GTF2F2: variants seen among roughly 807,000 people sequenced by gnomAD.
GTF2F2 encodes ATP-dependent helicase GTF2F2.
In GTF2F2, 23 loss-of-function variants were observed where a neutral mutation model predicts 42.2. That is an observed-to-expected ratio of 0.55 (90% confidence interval 0.39 to 0.77). The LOEUF is 0.77. Among genes scored for constraint, GTF2F2 ranks in the 30% least tolerant of loss-of-function variants. GTF2F2 has a pLI of 0.00. For synonymous variants in GTF2F2, 105 were observed against 100.8 expected (o/e 1.04, Z -0.25); for missense variants, 261 against 287.2 (o/e 0.91, Z 0.66).
chr13:45,236,865 TTA>T (rs1053069345), intron 5 of GTF2F2, among the ~76,000 whole-genome samples: 6 of 152,202 alleles, frequency 3.9e-5, no homozygotes, highest in African/African-American at 1.4e-4. Flanking sequence ...GTGAAGAAAA[TTA>T]TATAACCTTC....
intron 6 of GTF2F2, among the ~76,000 whole-genome samples, chr13:45,266,549 T>C (rs1045319923): frequency 6.6e-6 from 1 of 152,218 alleles, no homozygotes; most frequent in Non-Finnish European, 1.5e-5. Context: ...CTGCATCTGT[T>C]AGATAAACTG....
chr13:45,133,211 A>G (rs1263450425), intron 1 of GTF2F2, among the ~76,000 whole-genome samples: 5 of 152,178 alleles, frequency 3.3e-5, no homozygotes, highest in African/African-American at 9.7e-5. Context: ...AAATGAGGAC[A>G]TAGCAGATGG....
intron 1 of GTF2F2, 77 bp downstream of exon 1, chr13:45,120,798 G>C (rs1035890429): frequency 1.9e-6 from 2 of 1,065,928 alleles, no homozygotes; most frequent in Admixed American, 2.1e-5. Flanking sequence ...ATCCCGCTCC[G>C]TGCGCCTCTT....
At chr13:45,135,310 A>G (rs1869561786) in intron 1 of GTF2F2, among the ~76,000 whole-genome samples, 1 of 151,808 alleles carries the variant, frequency 6.6e-6, no homozygotes, top group African/African-American at 2.4e-5. Context: ...GAGACGGAGT[A>G]TTGCTCTGGC....
rs75246847 is a variant in GTF2F2, at chr13:45,250,366, T to C, written c.387-2505T>C. On this transcript the variant is annotated intron_variant, in intron 5 of 7. Transcript: ENST00000340473. ...CAGCCTGCCTTATTTCTTATAAGCA[T>C]GAGCAGCTCTGCTCCAGTTTACTCT... 1.7e-3 allele frequency among the ~76,000 whole-genome samples: 265 copies of C among 152,318 alleles called. 1 individual carries two copies. Among genetic ancestry groups the C allele is most frequent in the African/African-American group, 6.1e-3 (252 of 41,566 alleles).
At chr13:45,262,016 A>G (rs937869598) in intron 6 of GTF2F2, among the ~76,000 whole-genome samples, 1 of 152,144 alleles carries the variant, frequency 6.6e-6, no homozygotes, top group Admixed American at 6.5e-5. Context: ...CACTGGAACT[A>G]CTTATCTGAT....
At chr13:45,138,061 G>C (rs1566111136) in intron 2 of GTF2F2, among the ~76,000 whole-genome samples, 1 of 152,214 alleles carries the variant, frequency 6.6e-6, no homozygotes, top group East Asian at 1.9e-4. Context: ...TGACATAGTT[G>C]ATCACTTTTT....
At chr13:45,183,055 A>G (rs1162072065) in intron 4 of GTF2F2, among the ~76,000 whole-genome samples, 3 of 152,072 alleles carry the variant, frequency 2.0e-5, no homozygotes, top group African/African-American at 7.3e-5. Flanking sequence ...TTCAAGGTTC[A>G]TGTCCTTTGT....
chr13:45,230,203 A>C (rs1281268991), intron 5 of GTF2F2, among the ~76,000 whole-genome samples: 1 of 152,016 alleles, frequency 6.6e-6, no homozygotes, highest in African/African-American at 2.4e-5. Context: ...GCAACAGAGC[A>C]AGACTCCATC....
At chr13:45,153,103 G>A (rs1042914820) in intron 4 of GTF2F2, among the ~76,000 whole-genome samples, 6 of 150,888 alleles carry the variant, frequency 4.0e-5, no homozygotes, top group African/African-American at 7.3e-5. Flanking sequence ...TCCGCCTACC[G>A]GGTTCACGCC....
chr13:45,173,105 T>C (rs1196675683), intron 4 of GTF2F2, among the ~76,000 whole-genome samples: 1 of 152,118 alleles, frequency 6.6e-6, no homozygotes, highest in Non-Finnish European at 1.5e-5. Flanking sequence ...AAATATGCAA[T>C]GTAGAGACAC....
chr13:45,134,828 C>G (rs1460172545), intron 1 of GTF2F2, among the ~76,000 whole-genome samples: 1 of 152,126 alleles, frequency 6.6e-6, no homozygotes, highest in African/African-American at 2.4e-5. Flanking sequence ...TATTTCAACC[C>G]TCTGAACCTC....
chr13:45,282,129 C>T (rs1877293795), intron 7 of GTF2F2, among the ~76,000 whole-genome samples: 1 of 151,870 alleles, frequency 6.6e-6, no homozygotes, highest in South Asian at 2.1e-4. Flanking sequence ...ACCTGGGAGG[C>T]GGAGGTTGCA....
At chr13:45,131,210 GAA>G (rs770146191) in intron 1 of GTF2F2, among the ~76,000 whole-genome samples, 2 of 133,570 alleles carry the variant, frequency 1.5e-5, no homozygotes, top group African/African-American at 2.7e-5. Flanking sequence ...CTCAGTCTCA[GAA>G]AAAAAAAAAA....
In GTF2F2 at chr13:45,211,088, G is replaced by T. The variant is rs1020153343; in HGVS notation, c.386+3583G>T. On this transcript the variant is annotated intron_variant, in intron 5 of 7. Coordinates refer to ENST00000340473, the MANE Select transcript of GTF2F2 (RefSeq NM_004128.3). ...CTTCTGGTTGGTGGTGGCTCTTGTG[G>T]CCCAGCTGTGAATATCCCAGATTGG... 4.6e-5 allele frequency among the ~76,000 whole-genome samples: 7 copies of T among 152,212 alleles called. No individual in the cohort carries two copies. The East Asian group carries it at 1.3e-3, about 29-fold the overall frequency.
At chr13:45,235,616 G>A (rs895821914) in intron 5 of GTF2F2, among the ~76,000 whole-genome samples, 12 of 151,084 alleles carry the variant, frequency 7.9e-5, no homozygotes, top group Non-Finnish European at 1.3e-4. Context: ...CTGAGATAGA[G>A]TCCCGCTGTG....
intron 5 of GTF2F2, among the ~76,000 whole-genome samples, chr13:45,211,131 C>T (rs1873613555): frequency 6.6e-6 from 1 of 152,076 alleles, no homozygotes; most frequent in African/African-American, 2.4e-5. Flanking sequence ...CTGTCCTGTG[C>T]ATTGCAAGGA....
chr13:45,191,224 A>AAAAAAAAAAAAAAATAT, intron 4 of GTF2F2, among the ~76,000 whole-genome samples: 1 of 75,344 alleles, frequency 1.3e-5, no homozygotes, highest in African/African-American at 1.0e-4. Flanking sequence ...ACAAAAAAAA[A>AAAAAAAAAAAAAAATAT]ATATATATAT....
At chr13:45,128,927 T>G (rs1443232917) in intron 1 of GTF2F2, among the ~76,000 whole-genome samples, 1 of 152,070 alleles carries the variant, frequency 6.6e-6, no homozygotes, top group Non-Finnish European at 1.5e-5. Context: ...TTGTATTAGG[T>G]ATAATTTGTT....
Sources: allele counts gnomAD v4.1 joint callset (sites outside exome capture counted in the v4.1 genomes callset), GRCh38; gene constraint gnomAD v4.1.1; transcripts MANE v1.5; gene names NCBI Gene and HGNC (gene_info 2026-07-23, HGNC 2026-07-21).